DIP2A: variants seen among roughly 807,000 people sequenced by gnomAD.
DIP2A encodes the protein DIP2 acetate--CoA ligase A.
A neutral mutation model predicts 177.4 loss-of-function variants in DIP2A; 85 were observed. The ratio of observed to expected loss-of-function variants is 0.48; its 90% CI spans 0.40 to 0.57. The LOEUF is 0.57. Among genes scored for constraint, DIP2A ranks in the 20% least tolerant of loss-of-function variants. The pLI, the probability that DIP2A is intolerant of heterozygous loss-of-function variation, is 0.00. For synonymous variants in DIP2A, 886 were observed against 881.8 expected (o/e 1.00, Z -0.08); for missense variants, 1,791 against 2,100.2 (o/e 0.85, Z 2.88).
At chr21:46,564,066 C>A in intron 35 of DIP2A, 134 bp downstream of exon 35, 1 of 992,224 alleles carries the variant, frequency 1.0e-6, no homozygotes, top group African/African-American at 1.6e-5. Context: ...GCCCTTGCCC[C>A]GTGTACCTCC....
At chr21:46,517,884 G>A (rs1051126010) in intron 8 of DIP2A, among the ~76,000 whole-genome samples, 6 of 152,216 alleles carry the variant, frequency 3.9e-5, no homozygotes, top group Non-Finnish European at 5.9e-5. Context: ...CTCACTTTCC[G>A]GAGGGTTTTC....
intron 21 of DIP2A, among the ~76,000 whole-genome samples, chr21:46,548,773 C>T (rs1057157323): frequency 1.3e-5 from 2 of 152,088 alleles, no homozygotes; most frequent in African/African-American, 4.8e-5. Flanking sequence ...TCTGAGGAAG[C>T]AGGTGGTTGG....
At chr21:46,479,630 A>G (rs949125319) in intron 1 of DIP2A, among the ~76,000 whole-genome samples, 16 of 152,254 alleles carry the variant, frequency 1.1e-4, no homozygotes, top group South Asian at 4.1e-4. Context: ...GGCTCAAGCA[A>G]TCTTCTCACC....
At chr21:46,541,175 G>A (rs1441959339) in intron 17 of DIP2A, among the ~76,000 whole-genome samples, 3 of 152,116 alleles carry the variant, frequency 2.0e-5, no homozygotes, top group African/African-American at 7.2e-5. Context: ...AACGCCTGTT[G>A]CTCAGTATTC....
intron 5 of DIP2A, among the ~76,000 whole-genome samples, chr21:46,503,651 T>TTTTCTTTCTTTCTTTTTC: frequency 1.0e-5 from 1 of 95,978 alleles, no homozygotes; most frequent in Non-Finnish European, 2.2e-5. Flanking sequence ...CTTTCTTTCT[T>TTTTCTTTCTTTCTTTTTC]TTTCTTTCTT....
In DIP2A at chr21:46,567,435, C is replaced by A; in HGVS notation, c.4529C>A (p.Ala1510Asp). 1 of 1,613,944 alleles carries A rather than the reference C, an allele frequency of 6.2e-7. No homozygotes were observed. The highest frequency in any genetic ancestry group is 8.5e-7 in the Non-Finnish European group (1 of 1,179,894). Reference sequence around the variant, plus strand: ...GAGCTGGATGGGCTAGAGCAGGATGCCCTGGACCTGGTGGCCCTGGTGACC... The same window carrying A: ...GAGCTGGATGGGCTAGAGCAGGATGACCTGGACCTGGTGGCCCTGGTGACC... ...VVELDGLEQD[A>D]LDLVALVTNV... The change falls in exon 38 of 38, where the codon GCC becomes GAC. Residue 1510 changes from alanine (A) to aspartate (D), a missense_variant. Physicochemically the swap from Ala to Asp is moderately radical, Grantham distance 126 (BLOSUM62 -2). Coordinates refer to ENST00000417564, the MANE Select transcript of DIP2A (RefSeq NM_015151.4).
chr21:46,476,346 T>C (rs2148367302), intron 1 of DIP2A, among the ~76,000 whole-genome samples: 1 of 152,282 alleles, frequency 6.6e-6, no homozygotes, highest in East Asian at 1.9e-4. Flanking sequence ...CATGTTGTGG[T>C]AGTTTTTTTC....
chr21:46,473,380 T>C (rs1055068424), intron 1 of DIP2A, among the ~76,000 whole-genome samples: 10 of 149,562 alleles, frequency 6.7e-5, no homozygotes, highest in African/African-American at 2.2e-4. Context: ...GGAGGATTGC[T>C]TGAGATTGAG....
chr21:46,513,769 T>C lies in DIP2A; in HGVS notation c.1102+2155T>C, dbSNP rs539694657. On this transcript the variant is annotated intron_variant, in intron 8 of 37. Transcript: ENST00000417564. ...ACATGATGCTCAAAGAAAATGCTCA[T>C]TGGAGCATTTTGGATTTCTGATTTT... Among the ~76,000 whole-genome samples the C allele has an allele frequency of 3.9e-5, 6 of 152,298 alleles. No homozygotes were observed. The East Asian group carries it at 1.2e-3, about 29-fold the overall frequency.
At chr21:46,497,825 G>C (rs1401872341) in intron 4 of DIP2A, among the ~76,000 whole-genome samples, 1 of 152,052 alleles carries the variant, frequency 6.6e-6, no homozygotes, top group Non-Finnish European at 1.5e-5. Context: ...ACACTTTCTT[G>C]CTTAAAAGAA....
At chr21:46,581,176 GT>G in the DIP2A span, among the ~76,000 whole-genome samples, 2 of 152,034 alleles carry the variant, frequency 1.3e-5, no homozygotes, top group Non-Finnish European at 2.9e-5. Context: ...TTGTCTGCCT[GT>G]CTTATTTAAG....
intron 1 of DIP2A, among the ~76,000 whole-genome samples, chr21:46,473,473 G>A (rs920775720): frequency 1.3e-4 from 19 of 148,100 alleles, no homozygotes; most frequent in Admixed American, 5.4e-4. Flanking sequence ...AAAAAGGGGG[G>A]GGGGCCATGG....
rs112076555 is a variant in DIP2A at position 46,491,272 on chromosome 21, G to A, written c.283+553G>A. ...GTTTATATATTAATAACTTGAGCAC[G>A]TTATCTATTTAATATTTTCACCACT... On this transcript the variant is annotated intron_variant, in intron 3 of 37. Transcript: ENST00000417564. Among the ~76,000 whole-genome samples the A allele has an allele frequency of 5.7e-4, 75 of 132,058 alleles. 1 individual carries two copies. Among genetic ancestry groups the A allele is most frequent in the Middle Eastern group, 4.3e-3 (1 of 234 alleles). The allele number at this position is 132,058 out of a possible 152,430, so 86.6% of individuals were successfully genotyped here. A position where few individuals can be genotyped will look rare whatever the true frequency, so the allele number is the denominator to read the frequency against.
At chr21:46,468,849 C>T (rs1290070345) in intron 1 of DIP2A, among the ~76,000 whole-genome samples, 1 of 151,998 alleles carries the variant, frequency 6.6e-6, no homozygotes, top group Non-Finnish European at 1.5e-5. Flanking sequence ...TTAATCATGT[C>T]GATTTAAAAA....
At chr21:46,520,717 T>A (rs964783136) in intron 8 of DIP2A, among the ~76,000 whole-genome samples, 1 of 152,216 alleles carries the variant, frequency 6.6e-6, no homozygotes, top group African/African-American at 2.4e-5. Context: ...ACATACCAAT[T>A]ATATTAATAA....
chr21:46,545,294 T>A, intron 19 of DIP2A, 21 bp downstream of exon 19: 1 of 1,581,110 alleles, frequency 6.3e-7, no homozygotes, highest in Non-Finnish European at 8.7e-7. Context: ...TTTCCTGACT[T>A]TCATGTTGAA....
intron 25 of DIP2A, 155 bp from the exon 26 acceptor site, chr21:46,554,014 C>A (rs1048644323): frequency 9.6e-7 from 1 of 1,036,572 alleles, no homozygotes; most frequent in Non-Finnish European, 1.3e-6. Context: ...AAAAAAGACA[C>A]CAGCCGTACG....
chr21:46,573,487 A>G (rs1165483582), downstream of DIP2A, among the ~76,000 whole-genome samples: 1 of 151,190 alleles, frequency 6.6e-6, no homozygotes, highest in African/African-American at 2.4e-5. Context: ...TGAAGAGACC[A>G]CATCTCTACC....
chr21:46,566,111 G>A (rs2060828852), intron 36 of DIP2A, among the ~76,000 whole-genome samples: 2 of 152,138 alleles, frequency 1.3e-5, no homozygotes, highest in Non-Finnish European at 2.9e-5. Flanking sequence ...GGGCGTGGGG[G>A]ACGGTGTTGG....
Sources: allele counts gnomAD v4.1 joint callset (sites outside exome capture counted in the v4.1 genomes callset), GRCh38; gene constraint gnomAD v4.1.1; transcripts MANE v1.5; gene names NCBI Gene and HGNC (gene_info 2026-07-23, HGNC 2026-07-21).